Variants in MACROD1 observed in about 807,000 individuals in gnomAD.
The protein encoded by MACROD1 is mono-ADP ribosylhydrolase 1.
A neutral mutation model predicts 41.4 loss-of-function variants in MACROD1; 31 were observed. The ratio of observed to expected loss-of-function variants is 0.75; its 90% CI spans 0.56 to 1.01. The LOEUF is 1.01. MACROD1 is among the 50% of genes least tolerant of loss of function. The pLI, the probability that MACROD1 is intolerant of heterozygous loss-of-function variation, is 0.00. For synonymous variants in MACROD1, 252 were observed against 203.4 expected (o/e 1.24, Z -2.03); for missense variants, 473 against 460.0 (o/e 1.03, Z -0.26).
At chr11:64,143,035 C>A (rs1945435356) in intron 3 of MACROD1, among the ~76,000 whole-genome samples, 1 of 150,442 alleles carries the variant, frequency 6.6e-6, no homozygotes, top group African/African-American at 2.4e-5. Flanking sequence ...GAACGCTTGA[C>A]CCCAGGAGGT....
chr11:64,161,736 C>T (rs143396680), intron 1 of MACROD1, among the ~76,000 whole-genome samples: 2,091 of 152,288 alleles, frequency 0.014, 29 homozygotes, highest in South Asian at 0.087. Context: ...GAGTTTGAGA[C>T]CAGCCTGGGT....
intron 4 of MACROD1, among the ~76,000 whole-genome samples, chr11:64,012,634 C>T (rs1444718100): frequency 5.9e-5 from 9 of 152,222 alleles, no homozygotes; most frequent in East Asian, 1.9e-4. Context: ...CTCCTGACCT[C>T]GTGATCTGCC....
At chr11:64,144,771 G>A (rs1321810685) in intron 3 of MACROD1, among the ~76,000 whole-genome samples, 2 of 152,258 alleles carry the variant, frequency 1.3e-5, no homozygotes, top group Non-Finnish European at 2.9e-5. Flanking sequence ...CTGCGGAGAG[G>A]TTTCTGCTGT....
intron 3 of MACROD1, among the ~76,000 whole-genome samples, chr11:64,044,653 C>T (rs1050482856): frequency 5.3e-5 from 8 of 152,104 alleles, no homozygotes; most frequent in Non-Finnish European, 1.0e-4. Context: ...AGGGGAACCA[C>T]GTTCATTAGG....
intron 4 of MACROD1, among the ~76,000 whole-genome samples, chr11:64,006,498 C>T (rs1178636524): frequency 1.3e-5 from 2 of 152,258 alleles, no homozygotes; most frequent in African/African-American, 4.8e-5. Flanking sequence ...ATCTGAAATT[C>T]ATTACGGGGT....
chr11:64,051,271 G>C (rs1015197262), intron 3 of MACROD1, among the ~76,000 whole-genome samples: 1 of 152,238 alleles, frequency 6.6e-6, no homozygotes, highest in African/African-American at 2.4e-5. Flanking sequence ...CAGGGGAGGG[G>C]AGGGGCTGGT....
chr11:64,013,337 AC>A (rs1353783863), intron 4 of MACROD1, among the ~76,000 whole-genome samples: 2 of 151,932 alleles, frequency 1.3e-5, no homozygotes, highest in African/African-American at 2.4e-5. Context: ...GCCAGGGTGG[AC>A]CCCCCTGAGA....
At chr11:64,041,439 AG>A (rs1943485769) in intron 3 of MACROD1, among the ~76,000 whole-genome samples, 4 of 150,986 alleles carry the variant, frequency 2.6e-5, no homozygotes. Context: ...TTCCTGGGGG[AG>A]GTCAGCCAGG....
intron 4 of MACROD1, among the ~76,000 whole-genome samples, chr11:64,011,381 C>CCTG (rs796945869): frequency 2.6e-5 from 4 of 151,698 alleles, no homozygotes; most frequent in African/African-American, 9.7e-5. Context: ...CAGGGTGTTG[C>CCTG]CTGCTGCCCC....
rs531655095 is a variant in MACROD1 at position 64,094,781 on chromosome 11, C to T, written c.517+56458G>A. ...ATTTAGAAAGTCACCCCTGACCCCA[C>T]GACCACGGCATCCTTGGCTGTGCCT... On this transcript the variant is annotated intron_variant, in intron 3 of 10. Coordinates refer to ENST00000255681, the MANE Select transcript of MACROD1 (RefSeq NM_014067.4). Among the ~76,000 whole-genome samples, 9 of 152,356 alleles carry T rather than the reference C, an allele frequency of 5.9e-5. No homozygotes were observed. In the South Asian group the frequency reaches 1.9e-3, roughly 32 times the overall value.
chr11:64,142,322 G>A (rs1261146462), intron 3 of MACROD1, among the ~76,000 whole-genome samples: 1 of 152,150 alleles, frequency 6.6e-6, no homozygotes, highest in East Asian at 1.9e-4. Flanking sequence ...TTGAGCTCAG[G>A]AGTTTGAGAT....
chr11:64,044,770 C>G (rs751037935), intron 3 of MACROD1, among the ~76,000 whole-genome samples: 4 of 152,122 alleles, frequency 2.6e-5, no homozygotes, highest in Non-Finnish European at 4.4e-5. Flanking sequence ...TCATGCTCCC[C>G]CCTCACCAGA....
chr11:64,126,984 C>T (rs1416910911), intron 3 of MACROD1: 1 of 152,254 alleles, frequency 6.6e-6, no homozygotes, highest in Non-Finnish European at 1.5e-5. Context: ...GCTGACCCGG[C>T]CCGGCTTCTC....
intron 3 of MACROD1, among the ~76,000 whole-genome samples, chr11:64,129,570 G>A (rs944648808): frequency 2.0e-5 from 3 of 152,198 alleles, no homozygotes; most frequent in Middle Eastern, 3.2e-3. Context: ...ATGGAGCCAG[G>A]TGCTGAGCTG....
chr11:64,003,704 G>A (rs915681336), intron 4 of MACROD1, among the ~76,000 whole-genome samples: 2 of 152,212 alleles, frequency 1.3e-5, no homozygotes, highest in Non-Finnish European at 2.9e-5. Flanking sequence ...TGCCCACACG[G>A]CTGGAAGGTT....
chr11:64,018,365 T>A (rs1323134407), intron 3 of MACROD1, among the ~76,000 whole-genome samples: 1 of 152,144 alleles, frequency 6.6e-6, no homozygotes, highest in Non-Finnish European at 1.5e-5. Context: ...TGGGCCCCCG[T>A]TCTGGCCCCT....
At position 64,130,587 on chromosome 11, in the gene MACROD1, A is replaced by G. The variant is rs1405380351; in HGVS notation, c.517+20652T>C. 3.3e-5 allele frequency among the ~76,000 whole-genome samples: 5 copies of G among 152,140 alleles called. No homozygotes were observed. The South Asian group carries it at 8.3e-4, about 25-fold the overall frequency. On this transcript the variant is annotated intron_variant, in intron 3 of 10. Transcript: ENST00000255681. ...CCCAGCCTAGGAGGGTCCCGGACGC[A>G]TGGGAGGGCACCCAGCTGGCCCTGA...
At chr11:64,032,711 C>T (rs117374160) in intron 3 of MACROD1, among the ~76,000 whole-genome samples, 204 of 152,296 alleles carry the variant, frequency 1.3e-3, no homozygotes, top group Non-Finnish European at 2.4e-3. Flanking sequence ...ACTGCCTTTA[C>T]CAGTCACCTG....
chr11:64,111,333 G>A lies in MACROD1; in HGVS notation c.517+39906C>T, dbSNP rs367981114. On this transcript the variant is annotated intron_variant, in intron 3 of 10. Coordinates refer to ENST00000255681, the MANE Select transcript of MACROD1 (RefSeq NM_014067.4). Reference sequence around the variant, plus strand: ...GTAATCCTCCAGCCAGACGCTGGGGGCCCCCTGGCAGAGGTGCTCCTAGAC... The same window carrying A: ...GTAATCCTCCAGCCAGACGCTGGGGACCCCCTGGCAGAGGTGCTCCTAGAC... 1.4e-4 allele frequency among the ~76,000 whole-genome samples: 21 copies of A among 152,338 alleles called. No homozygotes were observed. The East Asian group carries it at 3.9e-3, about 28-fold the overall frequency.
Sources: gnomAD v4.1 joint callset for allele counts (sites outside exome capture counted in the v4.1 genomes callset) on GRCh38, gnomAD v4.1.1 for gene constraint, MANE v1.5 for transcripts, NCBI Gene and HGNC (gene_info 2026-07-23, HGNC 2026-07-21) for gene names.